The following PTPRD variants were observed in gnomAD, a reference collection of about 807,000 sequenced individuals.
PTPRD encodes the protein protein tyrosine phosphatase receptor type D, also known as receptor-type tyrosine-protein phosphatase delta.
Under a neutral mutation model 214.5 loss-of-function variants are expected in PTPRD, and 34 were observed. That is an observed-to-expected ratio of 0.16 (90% CI 0.12 to 0.21). The LOEUF (loss-of-function observed/expected upper bound fraction) is 0.21. PTPRD is among the 10% of genes least tolerant of loss of function. The pLI is 1.00. For missense variants in PTPRD, 2,545 were observed against 2,398.7 expected, an observed-to-expected ratio of 1.06 and a Z score of -1.27; for synonymous variants, 1,128 against 845.7, an observed-to-expected ratio of 1.33 and a Z score of -5.79.
At chr9:8,998,492 G>A (rs923233173) in intron 11 of PTPRD, among the ~76,000 whole-genome samples, 1 of 151,956 alleles carries the variant, frequency 6.6e-6, no homozygotes, top group Non-Finnish European at 1.5e-5. Flanking sequence ...CTACTGCTTA[G>A]AAAAGAAAAA....
At chr9:9,013,252 C>T (rs188220482) in intron 11 of PTPRD, among the ~76,000 whole-genome samples, 2 of 151,796 alleles carry the variant, frequency 1.3e-5, no homozygotes, top group African/African-American at 2.4e-5. Context: ...AATTAATATA[C>T]GAGGCCACCG....
chr9:8,449,886 A>G, intron 33 of PTPRD, 49 bp from the exon 34 acceptor site: 1 of 1,578,264 alleles, frequency 6.3e-7, no homozygotes, highest in Non-Finnish European at 8.7e-7. Context: ...ATCAATTGAA[A>G]CAGATAGAAA....
Position 9,684,099 on chromosome 9 carries a change from G to T in PTPRD, c.-287+50434C>A, listed in dbSNP as rs538431269. On this transcript the variant is annotated intron_variant, in intron 7 of 45. Coordinates refer to ENST00000381196, the MANE Select transcript of PTPRD (RefSeq NM_002839.4). ...CAGATACTCGAATCATTTTGAAGTG[G>T]CCACTTACACCTTGTTCAACAAAAA... is the stretch of plus-strand genomic sequence containing the variant. Among the ~76,000 whole-genome samples, 9 of 151,516 alleles carry T rather than the reference G, an allele frequency of 5.9e-5. No homozygotes were observed. The South Asian group carries it at 1.7e-3, about 28-fold the overall frequency.
At chr9:9,608,301 A>G (rs539543073) in intron 7 of PTPRD, among the ~76,000 whole-genome samples, 1 of 152,294 alleles carries the variant, frequency 6.6e-6, no homozygotes, top group East Asian at 1.9e-4. Flanking sequence ...TACTAAAGTA[A>G]TATATACAAT....
intron 8 of PTPRD, among the ~76,000 whole-genome samples, chr9:9,421,833 ATTCT>A (rs1166851098): frequency 2.0e-5 from 3 of 152,092 alleles, no homozygotes; most frequent in African/African-American, 7.2e-5. Context: ...GCACTCAATA[ATTCT>A]TTCTTCTCCC....
intron 10 of PTPRD, among the ~76,000 whole-genome samples, chr9:9,109,661 TA>T (rs1206159546): frequency 6.6e-6 from 1 of 152,128 alleles, no homozygotes; most frequent in East Asian, 1.9e-4. Context: ...GCCCTGATTT[TA>T]GTAGTGGAAA....
chr9:8,349,824 A>T (rs879837377), intron 39 of PTPRD, among the ~76,000 whole-genome samples: 81 of 152,236 alleles, frequency 5.3e-4, no homozygotes, highest in African/African-American at 1.9e-3. Flanking sequence ...AAGTAAAATC[A>T]ACTTTTTATT....
chr9:9,063,109 T>C (rs569130588), intron 10 of PTPRD, among the ~76,000 whole-genome samples: 19 of 152,226 alleles, frequency 1.2e-4, no homozygotes, highest in African/African-American at 3.4e-4. Flanking sequence ...GGAATGAACA[T>C]TGAGCTGGGA....
chr9:9,353,488 G>C (rs1351281854), intron 9 of PTPRD, among the ~76,000 whole-genome samples: 1 of 151,796 alleles, frequency 6.6e-6, no homozygotes. Context: ...GGCTGGGGCT[G>C]GGAGTCCACT....
intron 2 of PTPRD, among the ~76,000 whole-genome samples, chr9:10,413,820 C>G (rs1380830790): frequency 6.6e-6 from 1 of 151,926 alleles, no homozygotes; most frequent in African/African-American, 2.4e-5. Context: ...CTATGACCAT[C>G]TGATCCTCAA....
intron 11 of PTPRD, among the ~76,000 whole-genome samples, chr9:8,757,734 A>G (rs753869471): frequency 1.3e-5 from 2 of 151,280 alleles, no homozygotes; most frequent in Non-Finnish European, 2.9e-5. Flanking sequence ...CTATACTGAT[A>G]GCAATGAGCT....
chr9:9,415,292 G>A (rs2076669314), intron 8 of PTPRD, among the ~76,000 whole-genome samples: 1 of 152,046 alleles, frequency 6.6e-6, no homozygotes, highest in Admixed American at 6.6e-5. Context: ...TGGCTAACAA[G>A]GCAAAACTCC....
intron 33 of PTPRD, chr9:8,451,836 C>A: frequency 2.1e-6 from 1 of 476,150 alleles, no homozygotes; most frequent in Non-Finnish European, 4.2e-6. Flanking sequence ...GCCATTCTTG[C>A]AAGATTATGG....
chr9:9,431,871 G>C (rs1276938168), intron 8 of PTPRD, among the ~76,000 whole-genome samples: 1 of 133,340 alleles, frequency 7.5e-6, no homozygotes, highest in East Asian at 2.4e-4. Flanking sequence ...CTTGGACACA[G>C]GATGGGGAAC....
intron 2 of PTPRD, among the ~76,000 whole-genome samples, chr9:10,435,049 T>C (rs113979831): frequency 5.3e-5 from 8 of 152,008 alleles, no homozygotes; most frequent in African/African-American, 1.7e-4. Flanking sequence ...CAATTTTATT[T>C]GAATCTCAAG....
At chr9:10,285,151 A>G (rs1475624648) in intron 3 of PTPRD, among the ~76,000 whole-genome samples, 1 of 152,210 alleles carries the variant, frequency 6.6e-6, no homozygotes, top group African/African-American at 2.4e-5. Flanking sequence ...CTTGAAACTT[A>G]GGGTCCTAAG....
intron 3 of PTPRD, among the ~76,000 whole-genome samples, chr9:10,073,914 T>C (rs1328195273): frequency 6.6e-6 from 1 of 152,162 alleles, no homozygotes; most frequent in Non-Finnish European, 1.5e-5. Context: ...TTATAAATTG[T>C]ATGGACTGAC....
intron 2 of PTPRD, among the ~76,000 whole-genome samples, chr9:10,533,545 G>T (rs1484646351): frequency 2.7e-5 from 4 of 150,742 alleles, no homozygotes; most frequent in Non-Finnish European, 5.9e-5. Flanking sequence ...TTTTTTTTCA[G>T]TAATGTATTA....
chr9:8,422,115 T>C lies in PTPRD; in HGVS notation c.4086+14477A>G, dbSNP rs138254616. On this transcript the variant is annotated intron_variant, in intron 35 of 45. Coordinates refer to ENST00000381196, the MANE Select transcript of PTPRD (RefSeq NM_002839.4). ...TGAACCCTGATGGTGCCACTGCACT[T>C]CAGCCTGGGTGAAAGAGAGAGACCC... 6.2e-3 allele frequency among the ~76,000 whole-genome samples: 758 copies of C among 121,912 alleles called. 12 individuals are homozygous for C. The highest frequency in any genetic ancestry group is 0.023 in the African/African-American group (727 of 31,934). The allele number at this position is 121,912 out of a possible 152,430, so 80.0% of individuals were successfully genotyped here. A position where few individuals can be genotyped will look rare whatever the true frequency, so the allele number is the denominator to read the frequency against.
Sources: gnomAD v4.1 joint callset for allele counts (sites outside exome capture counted in the v4.1 genomes callset) on GRCh38, gnomAD v4.1.1 for gene constraint, MANE v1.5 for transcripts, NCBI Gene and HGNC (gene_info 2026-07-23, HGNC 2026-07-21) for gene names.